NCOA7: variants seen among roughly 807,000 people sequenced by gnomAD.
NCOA7 encodes 140 kDa estrogen receptor-associated protein.
NCOA7 carries 45 observed loss-of-function variants against 104.3 expected under a neutral mutation model. That is an observed-to-expected ratio of 0.43 (90% confidence interval 0.34 to 0.55). The LOEUF (loss-of-function observed/expected upper bound fraction) is 0.55. NCOA7 is among the 20% of genes least tolerant of loss of function. NCOA7 has a pLI of 0.02. For missense variants in NCOA7, 1,041 were observed against 1,119.7 expected, an observed-to-expected ratio of 0.93 and a Z score of 1.00; for synonymous variants, 398 against 402.3, an observed-to-expected ratio of 0.99 and a Z score of 0.13.
intron 1 of NCOA7, among the ~76,000 whole-genome samples, chr6:125,782,550 C>G (rs543348027): frequency 6.6e-6 from 1 of 152,166 alleles, no homozygotes; most frequent in Non-Finnish European, 1.5e-5. Context: ...TTAGTTGTCA[C>G]GTATCTGTAG....
intron 1 of NCOA7, among the ~76,000 whole-genome samples, chr6:125,805,747 G>A (rs1337428730): frequency 6.6e-6 from 1 of 152,170 alleles, no homozygotes; most frequent in East Asian, 1.9e-4. Flanking sequence ...GTATTCACTA[G>A]GTCTGCCTGG....
intron 11 of NCOA7, chr6:125,919,450 C>T (rs931922364): frequency 4.3e-6 from 7 of 1,610,990 alleles, no homozygotes; most frequent in Non-Finnish European, 5.1e-6. Flanking sequence ...GAGTGCGTCC[C>T]GAGGGCTAAT....
intron 2 of NCOA7, among the ~76,000 whole-genome samples, chr6:125,846,582 C>G (rs1209795713): frequency 1.3e-5 from 2 of 152,162 alleles, no homozygotes; most frequent in Non-Finnish European, 2.9e-5. Flanking sequence ...TCCAGTCTTT[C>G]TGTGAGTGCA....
chr6:125,786,615 C>T (rs891504363), upstream of NCOA7, among the ~76,000 whole-genome samples: 2 of 147,250 alleles, frequency 1.4e-5, no homozygotes, highest in Non-Finnish European at 3.0e-5. Context: ...CCGGCTCCGT[C>T]GCCCAGGCTG....
chr6:125,845,152 G>C (rs891290038), intron 2 of NCOA7, among the ~76,000 whole-genome samples: 5 of 152,180 alleles, frequency 3.3e-5, no homozygotes, highest in Non-Finnish European at 7.4e-5. Flanking sequence ...TAGACGACCA[G>C]GAAAAAACAG....
chr6:125,786,265 G>A (rs115883887), upstream of NCOA7: 648 of 152,244 alleles, frequency 4.3e-3, 1 homozygote, highest in African/African-American at 0.015. Context: ...AGAAGGATAG[G>A]TTCACTAAAG....
intron 13 of NCOA7, among the ~76,000 whole-genome samples, chr6:125,923,652 G>A (rs2128699653): frequency 6.6e-6 from 1 of 152,344 alleles, no homozygotes; most frequent in Admixed American, 6.5e-5. Flanking sequence ...TGTCACTGAA[G>A]CAGATTTTAC....
chr6:125,927,229 G>A (rs1378920482), intron 13 of NCOA7, among the ~76,000 whole-genome samples: 1 of 152,152 alleles, frequency 6.6e-6, no homozygotes, highest in Admixed American at 6.5e-5. Context: ...GCCCAGCCAT[G>A]ACTCCACTTA....
chr6:125,918,400 G>T (rs1787263369), intron 11 of NCOA7, among the ~76,000 whole-genome samples: 2 of 152,318 alleles, frequency 1.3e-5, no homozygotes, highest in East Asian at 3.9e-4. Context: ...CTGTTGCATT[G>T]AGAGTCAGTT....
At position 125,927,670 on chromosome 6, in the gene NCOA7, G is replaced by A. The variant is rs757784425; in HGVS notation, c.2531G>A (p.Gly844Glu). 6.2e-7 allele frequency: 1 copy of A among 1,613,326 alleles called. No individual in the cohort carries two copies. The highest frequency in any genetic ancestry group is 8.5e-7 in the Non-Finnish European group (1 of 1,179,526). Residue 844 changes from glycine (G) to glutamate (E), a missense_variant, in exon 14 of 16, where the codon GGA becomes GAA. This residue lies in a region of NCOA7 where 127 missense variants were observed against 177.0 expected (regional missense o/e 0.72). Transcript: ENST00000392477. ...TCTGTTTTCTTTTGACAGATTTTTGGAGCATATGCAACTCATCCTTTCAAG... is the reference window on the plus strand; with the variant it reads ...TCTGTTTTCTTTTGACAGATTTTTGAAGCATATGCAACTCATCCTTTCAAG... ...VIKDMDNQIF[G>E]AYATHPFKFS...
At chr6:125,915,966 C>T (rs1187095894) in intron 11 of NCOA7, among the ~76,000 whole-genome samples, 3 of 152,152 alleles carry the variant, frequency 2.0e-5, no homozygotes, top group East Asian at 1.9e-4. Context: ...TGAAATCTTT[C>T]TTAGCTTAAG....
chr6:125,885,937 G>A (rs1376383668), intron 8 of NCOA7, among the ~76,000 whole-genome samples: 2 of 152,044 alleles, frequency 1.3e-5, no homozygotes, highest in African/African-American at 4.8e-5. Context: ...TGGATTTATT[G>A]TAAAAAAGAG....
chr6:125,806,269 AG>A (rs964457485), intron 1 of NCOA7, among the ~76,000 whole-genome samples: 9 of 152,046 alleles, frequency 5.9e-5, no homozygotes, highest in African/African-American at 1.2e-4. Context: ...TGAACCCAGG[AG>A]GGGGGGATTA....
intron 1 of NCOA7, among the ~76,000 whole-genome samples, chr6:125,812,863 C>T (rs1289729970): frequency 6.6e-6 from 1 of 152,194 alleles, no homozygotes; most frequent in Non-Finnish European, 1.5e-5. Context: ...TCATTCCTTA[C>T]TTTCCTTGTT....
At chr6:125,872,362 G>T (rs1408691519) in intron 3 of NCOA7, among the ~76,000 whole-genome samples, 2 of 152,226 alleles carry the variant, frequency 1.3e-5, no homozygotes, top group Non-Finnish European at 2.9e-5. Flanking sequence ...TTATGGAAGG[G>T]CGTTGGCCAG....
intron 6 of NCOA7, among the ~76,000 whole-genome samples, chr6:125,882,040 G>C (rs907094274): frequency 6.6e-6 from 1 of 152,118 alleles, no homozygotes; most frequent in Non-Finnish European, 1.5e-5. Flanking sequence ...TTTTACTGGA[G>C]ACAGGGTTTC....
intron 10 of NCOA7, among the ~76,000 whole-genome samples, chr6:125,896,903 T>A (rs1387545381): frequency 6.6e-6 from 1 of 152,256 alleles, no homozygotes; most frequent in Non-Finnish European, 1.5e-5. Flanking sequence ...CTATTTAGGA[T>A]CAGCAAACTC....
intron 3 of NCOA7, among the ~76,000 whole-genome samples, chr6:125,871,474 T>C (rs1461922367): frequency 2.6e-5 from 4 of 152,242 alleles, no homozygotes; most frequent in Non-Finnish European, 4.4e-5. Context: ...AAAACAATTA[T>C]TTCTGAAGTA....
chr6:125,856,510 G>A (rs547176709), intron 3 of NCOA7, among the ~76,000 whole-genome samples: 14 of 152,058 alleles, frequency 9.2e-5, no homozygotes, highest in East Asian at 1.9e-4. Context: ...CCGCCACCAC[G>A]CCCGGCTAAT....
Sources: allele counts gnomAD v4.1 joint callset (sites outside exome capture counted in the v4.1 genomes callset), GRCh38; gene constraint gnomAD v4.1.1; regional missense constraint gnomAD v4.1.1; transcripts MANE v1.5; gene names NCBI Gene and HGNC (gene_info 2026-07-23, HGNC 2026-07-21).